Variants in RSF1 observed in about 807,000 individuals in gnomAD.
RSF1 encodes the protein HBV pX-associated protein 8.
RSF1 carries 13 observed loss-of-function variants against 145.2 expected under a neutral mutation model. The ratio of observed to expected loss-of-function variants is 0.09; its 90% CI spans 0.06 to 0.14. RSF1 has a LOEUF of 0.14. Among genes scored for constraint, RSF1 ranks in the 10% least tolerant of loss-of-function variants. RSF1 has a pLI of 1.00. For missense variants in RSF1, 1,517 were observed against 1,718.2 expected (o/e 0.88, Z 2.07); for synonymous variants, 577 against 592.6 (o/e 0.97, Z 0.38).
At chr11:77,798,766 AG>A (rs1948598324) in intron 1 of RSF1, among the ~76,000 whole-genome samples, 1 of 151,764 alleles carries the variant, frequency 6.6e-6, no homozygotes, top group African/African-American at 2.4e-5. Context: ...ATTCTCACTC[AG>A]AAGTGGGAGT....
rs141350540 is a variant in RSF1, at chr11:77,801,453, G to A, written c.187+19075C>T. ...TCAAAAAAAGAAGAAATACATATTC[G>A]ATCTTTGCTCCACAGTTCCTGACAC... On this transcript the variant is annotated intron_variant, in intron 1 of 15. Transcript: ENST00000308488. 2.6e-5 allele frequency among the ~76,000 whole-genome samples: 4 copies of A among 152,160 alleles called. No individual in the cohort carries two copies. In the East Asian group the frequency reaches 7.8e-4, roughly 30 times the overall value.
chr11:77,721,836 A>C (rs966026804), intron 5 of RSF1, among the ~76,000 whole-genome samples: 2 of 152,194 alleles, frequency 1.3e-5, no homozygotes, highest in Admixed American at 1.3e-4. Flanking sequence ...GAATGAATGA[A>C]TAAGAAACAT....
intron 1 of RSF1, among the ~76,000 whole-genome samples, chr11:77,776,368 C>T (rs930953753): frequency 3.3e-5 from 5 of 152,136 alleles, no homozygotes; most frequent in Admixed American, 1.3e-4. Flanking sequence ...ACTGTAAGAA[C>T]TCCATTTCTT....
At chr11:77,813,765 G>A (rs918862838) in intron 1 of RSF1, 8 of 279,694 alleles carry the variant, frequency 2.9e-5, no homozygotes, top group Non-Finnish European at 4.3e-5. Flanking sequence ...TCACAGAGCC[G>A]CAGCACCTAC....
upstream of RSF1, among the ~76,000 whole-genome samples, chr11:77,823,259 A>G (rs1949014094): frequency 1.3e-5 from 2 of 151,920 alleles, no homozygotes; most frequent in South Asian, 4.2e-4. Context: ...ACTTCAGGAA[A>G]ATATCTTTAT....
intron 1 of RSF1, among the ~76,000 whole-genome samples, chr11:77,773,751 C>A (rs1039770708): frequency 6.6e-6 from 1 of 152,004 alleles, no homozygotes; most frequent in Admixed American, 6.6e-5. Context: ...CCCAGTTACC[C>A]CTCAAAAACT....
chr11:77,821,525 C>T (rs562414757), upstream of RSF1, among the ~76,000 whole-genome samples: 10 of 151,926 alleles, frequency 6.6e-5, no homozygotes, highest in African/African-American at 2.2e-4. Context: ...GGGGAATCGT[C>T]GGAGTGAGGA....
At chr11:77,805,726 G>A (rs117093677) in intron 1 of RSF1, among the ~76,000 whole-genome samples, 4,595 of 152,254 alleles carry the variant, frequency 0.03, 107 homozygotes, top group Middle Eastern at 0.075. Flanking sequence ...GTTTATTCAA[G>A]TAAGCTTTTA....
chr11:77,828,422 CT>C, the RSF1 span, among the ~76,000 whole-genome samples: 2 of 151,874 alleles, frequency 1.3e-5, no homozygotes, highest in African/African-American at 4.8e-5. Context: ...AATCCCAGTA[CT>C]TTGGGAGGCC....
intron 2 of RSF1, among the ~76,000 whole-genome samples, chr11:77,749,046 C>T (rs1306899902): frequency 6.6e-6 from 1 of 152,002 alleles, no homozygotes; most frequent in African/African-American, 2.4e-5. Flanking sequence ...GTGAAAGAAA[C>T]CAGACACAAA....
intron 1 of RSF1, among the ~76,000 whole-genome samples, chr11:77,796,846 G>A (rs895830279): frequency 1.3e-5 from 2 of 152,100 alleles, no homozygotes; most frequent in African/African-American, 4.8e-5. Context: ...AAAATCACAA[G>A]CATTCCTATA....
intron 3 of RSF1, among the ~76,000 whole-genome samples, chr11:77,741,787 TCTC>T (rs1452214920): frequency 6.6e-6 from 1 of 152,130 alleles, no homozygotes; most frequent in Non-Finnish European, 1.5e-5. Flanking sequence ...ATACAACTGA[TCTC>T]CTGAACTAAT....
intron 9 of RSF1, chr11:77,690,926 A>T: frequency 1.9e-6 from 1 of 518,444 alleles, no homozygotes; most frequent in Non-Finnish European, 3.4e-6. Flanking sequence ...AAATTTGAGT[A>T]TCATATAATT....
Position 77,662,524 on chromosome 11 carries a change from T to C in RSF1, c.*4393A>G, listed in dbSNP as rs1369430778. 1 of 152,092 alleles carries C rather than the reference T, an allele frequency of 6.6e-6. No homozygotes were observed. The highest frequency in any genetic ancestry group is 2.4e-5 in the African/African-American group (1 of 41,406). The allele number at this position is 152,092 out of a possible 1,614,324, so 9.4% of individuals were successfully genotyped here. A position where few individuals can be genotyped will look rare whatever the true frequency, so the allele number is the denominator to read the frequency against. ...CATATTACAGTTACTTAGCAATTCT[T>C]GGCACTCAAAAGATGTTAAAAGATA... is the stretch of plus-strand genomic sequence containing the variant. On this transcript the variant is annotated 3_prime_UTR_variant, in exon 16 of 16. Coordinates refer to ENST00000308488, the MANE Select transcript of RSF1 (RefSeq NM_016578.4).
chr11:77,668,024 G>T lies in RSF1; in HGVS notation c.3752-533C>A, dbSNP rs751109541. ...GACCTTCTTTATTTTTTGAGATAGA[G>T]TCTCACTCTGTCTCCCAGGCTGGAG... On this transcript the variant is annotated intron_variant, in intron 15 of 15. Coordinates refer to ENST00000308488, the MANE Select transcript of RSF1 (RefSeq NM_016578.4). Among the ~76,000 whole-genome samples, 9 of 151,540 alleles carry T rather than the reference G, an allele frequency of 5.9e-5. 1 individual carries two copies. In the Middle Eastern group the frequency reaches 0.01, roughly 174 times the overall value.
the RSF1 span, chr11:77,851,535 A>C: frequency 6.6e-6 from 1 of 152,064 alleles, no homozygotes; most frequent in African/African-American, 2.4e-5. Context: ...CTTTTGTTGA[A>C]ATGTAATCCC....
rs561715484 is a variant in RSF1, at chr11:77,668,807, C to A, written c.3752-1316G>T. Among the ~76,000 whole-genome samples the A allele has an allele frequency of 7.8e-4, 119 of 152,240 alleles. 1 individual carries two copies. The South Asian group carries it at 0.024, about 31-fold the overall frequency. On this transcript the variant is annotated intron_variant, in intron 15 of 15. Coordinates refer to ENST00000308488, the MANE Select transcript of RSF1 (RefSeq NM_016578.4). ...CTTGTAAATCCAAGGATTTTGATAT[C>A]TGCGGGGATCCTGAAATCAATCCTC...
chr11:77,717,181 CA>C (rs55686322), intron 5 of RSF1, among the ~76,000 whole-genome samples: 94,338 of 129,098 alleles, frequency 0.73, 34,046 homozygotes, highest in African/African-American at 0.87. Context: ...AACCAAAAAC[CA>C]AAAAAAAAAA....
intron 15 of RSF1, 65 bp downstream of exon 15, chr11:77,671,977 A>T (rs758032904): frequency 1.9e-4 from 261 of 1,349,068 alleles, no homozygotes; most frequent in Middle Eastern, 9.4e-4. Flanking sequence ...CACAATCCTG[A>T]GTTCACTTTA....
Sources: allele counts gnomAD v4.1 joint callset (sites outside exome capture counted in the v4.1 genomes callset), GRCh38; gene constraint gnomAD v4.1.1; transcripts MANE v1.5; gene names NCBI Gene and HGNC (gene_info 2026-07-23, HGNC 2026-07-21).